The following AKAP6 variants were observed in gnomAD, a reference collection of about 807,000 sequenced individuals.
AKAP6 encodes the protein A-kinase anchoring protein 6.
AKAP6 carries 58 observed loss-of-function variants against 188.5 expected under a neutral mutation model. The ratio of observed to expected loss-of-function variants is 0.31; its 90% confidence interval spans 0.25 to 0.38. The LOEUF is 0.38. AKAP6 is among the 10% of genes least tolerant of loss of function. The pLI is 1.00. For missense variants in AKAP6, 2,710 were observed against 2,740.0 expected (o/e 0.99, Z 0.24); for synonymous variants, 989 against 998.6 (o/e 0.99, Z 0.18).
intron 5 of AKAP6, among the ~76,000 whole-genome samples, chr14:32,592,217 T>C (rs1346105127): frequency 6.6e-6 from 1 of 152,222 alleles, no homozygotes; most frequent in Non-Finnish European, 1.5e-5. Context: ...TGCCAGGCAC[T>C]GTCCTAGACA....
At chr14:32,608,005 A>C (rs560637824) in intron 7 of AKAP6, among the ~76,000 whole-genome samples, 1 of 152,272 alleles carries the variant, frequency 6.6e-6, no homozygotes, top group African/African-American at 2.4e-5. Context: ...GTGGTTACTA[A>C]GTTTGTTATC....
chr14:32,727,950 T>C (rs763774192), intron 9 of AKAP6, among the ~76,000 whole-genome samples: 1 of 152,220 alleles, frequency 6.6e-6, no homozygotes, highest in Non-Finnish European at 1.5e-5. Context: ...TATGAGATGC[T>C]ACACACAAGT....
At chr14:32,736,876 C>T (rs1807988885) in intron 11 of AKAP6, among the ~76,000 whole-genome samples, 1 of 152,058 alleles carries the variant, frequency 6.6e-6, no homozygotes, top group South Asian at 2.1e-4. Flanking sequence ...GTGGAGGCAC[C>T]CTCAAAGACA....
intron 7 of AKAP6, among the ~76,000 whole-genome samples, chr14:32,618,743 C>A (rs1886690612): frequency 6.6e-6 from 1 of 152,170 alleles, no homozygotes. Context: ...AATGATAGAT[C>A]TACTTTTAGT....
intron 2 of AKAP6, among the ~76,000 whole-genome samples, chr14:32,489,820 T>C (rs1449969451): frequency 1.3e-5 from 2 of 152,232 alleles, no homozygotes; most frequent in African/African-American, 4.8e-5. Flanking sequence ...TCATGCCACA[T>C]ATATTCTTTT....
intron 12 of AKAP6, among the ~76,000 whole-genome samples, chr14:32,820,932 G>T (rs2034502361): frequency 1.3e-5 from 2 of 152,138 alleles, no homozygotes; most frequent in Non-Finnish European, 2.9e-5. Context: ...TTAAAATGGA[G>T]AACCCAGGAA....
chr14:32,769,522 C>T (rs1355449257), intron 11 of AKAP6, among the ~76,000 whole-genome samples: 2 of 149,726 alleles, frequency 1.3e-5, no homozygotes, highest in East Asian at 2.0e-4. Context: ...GTTTAGAAGG[C>T]GAAGTCTGAA....
At chr14:32,591,471 CAAA>C (rs71432067) in intron 5 of AKAP6, among the ~76,000 whole-genome samples, 28 of 128,444 alleles carry the variant, frequency 2.2e-4, no homozygotes, top group Admixed American at 2.3e-4. Flanking sequence ...TACTTTGCAC[CAAA>C]AAAAAAAAAA....
At chr14:32,763,733 C>T (rs759329743) in intron 11 of AKAP6, among the ~76,000 whole-genome samples, 2 of 152,084 alleles carry the variant, frequency 1.3e-5, no homozygotes, top group Non-Finnish European at 2.9e-5. Flanking sequence ...TCACTGCATG[C>T]TTATAGAATA....
rs146422750 is a variant in AKAP6 at position 32,821,845 on chromosome 14, T to C, written c.4032T>C (p.Asn1344=). The stretch of plus-strand genomic sequence containing the variant: ...TGCCAGATCTTCTAGGTGGTTCCAA[T>C]TTGGTAAAGCCCTGCGCATGTCATG... ...KSLPDLLGGS[N]LVKPCACHGG... is the part of the protein sequence containing the mutation. Residue 1344 remains asparagine (N), a synonymous_variant, in exon 13 of 14, where the codon AAT becomes AAC. Coordinates refer to ENST00000280979, the MANE Select transcript of AKAP6 (RefSeq NM_004274.5). The C allele has an allele frequency of 3.7e-5, 60 of 1,613,890 alleles. No homozygotes were observed. The African/African-American group carries it at 6.9e-4, about 19-fold the overall frequency.
intron 11 of AKAP6, among the ~76,000 whole-genome samples, chr14:32,744,152 A>G (rs898388874): frequency 1.3e-5 from 2 of 151,950 alleles, no homozygotes; most frequent in Non-Finnish European, 2.9e-5. Flanking sequence ...GCTGCCTGCC[A>G]TATTGGAGCT....
At chr14:32,468,607 T>C (rs1210184551) in intron 2 of AKAP6, among the ~76,000 whole-genome samples, 1 of 152,184 alleles carries the variant, frequency 6.6e-6, no homozygotes, top group Non-Finnish European at 1.5e-5. Flanking sequence ...AATTTACACA[T>C]CTGTGCTACC....
chr14:32,330,863 T>C (rs1488876982), intron 1 of AKAP6, among the ~76,000 whole-genome samples: 4 of 151,906 alleles, frequency 2.6e-5, no homozygotes, highest in Non-Finnish European at 5.9e-5. Flanking sequence ...TTTAAGCTTA[T>C]GTTTCTGACA....
chr14:32,431,739 C>G (rs1890233853), intron 1 of AKAP6, among the ~76,000 whole-genome samples: 1 of 152,166 alleles, frequency 6.6e-6, no homozygotes, highest in Non-Finnish European at 1.5e-5. Context: ...GCCTCGAACT[C>G]CTGACCTCAG....
intron 1 of AKAP6, among the ~76,000 whole-genome samples, chr14:32,352,753 T>C (rs1471019476): frequency 2.6e-5 from 4 of 152,258 alleles, no homozygotes; most frequent in Non-Finnish European, 5.9e-5. Context: ...TTTTAGTGGC[T>C]GAATAATATT....
chr14:32,352,149 T>C (rs981949543), intron 1 of AKAP6, among the ~76,000 whole-genome samples: 1 of 150,694 alleles, frequency 6.6e-6, no homozygotes, highest in Admixed American at 6.6e-5. Flanking sequence ...GGGGTGGGTG[T>C]CTAGGCCCTT....
intron 7 of AKAP6, among the ~76,000 whole-genome samples, chr14:32,676,435 C>T (rs1479689872): frequency 6.6e-6 from 1 of 152,114 alleles, no homozygotes; most frequent in East Asian, 1.9e-4. Context: ...GTGCTGTTAA[C>T]ATTCTGCATA....
intron 1 of AKAP6, among the ~76,000 whole-genome samples, chr14:32,380,330 C>T (rs983059881): frequency 2.6e-5 from 4 of 152,154 alleles, no homozygotes; most frequent in African/African-American, 7.2e-5. Flanking sequence ...AGTACATGAT[C>T]GAGCGACCTG....
At chr14:32,416,149 T>C (rs1320721080) in intron 1 of AKAP6, among the ~76,000 whole-genome samples, 1 of 152,208 alleles carries the variant, frequency 6.6e-6, no homozygotes, top group South Asian at 2.1e-4. Flanking sequence ...TGTACCATTT[T>C]ACATTCCCAC....
Sources: allele counts gnomAD v4.1 joint callset (sites outside exome capture counted in the v4.1 genomes callset), GRCh38; gene constraint gnomAD v4.1.1; transcripts MANE v1.5; gene names NCBI Gene and HGNC (gene_info 2026-07-23, HGNC 2026-07-21).